Variants in RRM1 observed in about 807,000 individuals in gnomAD.
The protein encoded by RRM1 is ribonucleotide reductase catalytic subunit M1.
A neutral mutation model predicts 101.5 loss-of-function variants in RRM1; 19 were observed. The observed-to-expected ratio is 0.19, with a 90% CI of 0.13 to 0.27. The LOEUF (loss-of-function observed/expected upper bound fraction) is 0.27, where lower values mean the gene tolerates loss of function less well. Ranked by LOEUF, RRM1 falls within the 10% of genes least tolerant of loss-of-function variation. RRM1 has a pLI of 1.00. For missense variants in RRM1, 500 were observed against 962.9 expected, an observed-to-expected ratio of 0.52 and a Z score of 6.36; for synonymous variants, 298 against 323.4, an observed-to-expected ratio of 0.92 and a Z score of 0.84.
intron 10 of RRM1, 130 bp downstream of exon 10, chr11:4,121,895 A>C: frequency 1.2e-6 from 1 of 857,906 alleles, no homozygotes; most frequent in Non-Finnish European, 1.8e-6. Flanking sequence ...TGAACAAGTT[A>C]AGAGATGCCG....
At chr11:4,124,915 AT>A (rs143024225) in intron 12 of RRM1, among the ~76,000 whole-genome samples, 56,150 of 141,784 alleles carry the variant, frequency 0.4, 12,229 homozygotes, top group Non-Finnish European at 0.52. Flanking sequence ...GTATTTATTT[AT>A]TTTATTTTTT....
Position 4,107,426 on chromosome 11 carries a change from A to AT in RRM1, c.287-3dup. On this transcript the variant is annotated splice_polypyrimidine_tract_variant and intron_variant, in intron 3 of 18. Coordinates refer to ENST00000300738, the MANE Select transcript of RRM1 (RefSeq NM_001033.5). The stretch of plus-strand genomic sequence containing the variant: ...TTGATATATTTTCATTTTTTGTTGT[A>AT]TTTTTTAGATGTGATGGAAGACCTC... The AT allele has an allele frequency of 6.4e-7, 1 of 1,567,610 alleles. No homozygotes were observed. Among genetic ancestry groups the AT allele is most frequent in the East Asian group, 2.2e-5 (1 of 44,608 alleles).
chr11:4,119,779 T>G lies in RRM1; in HGVS notation c.793-66T>G, dbSNP rs2094578793. 6 of 919,186 alleles carry G rather than the reference T, an allele frequency of 6.5e-6. No homozygotes were observed. The East Asian group carries it at 7.3e-5, about 11-fold the overall frequency. The allele number at this position is 919,186 out of a possible 1,614,324, so 56.9% of individuals were successfully genotyped here. A position where few individuals can be genotyped will look rare whatever the true frequency, so the allele number is the denominator to read the frequency against. On this transcript the variant is annotated intron_variant, in intron 8 of 18. Transcript: ENST00000300738. ...TTAGGCATCTTTTTTGATAAAAGAA[T>G]GGGGCCATTTTTTTCTTTTCTTTGC...
intron 1 of RRM1, among the ~76,000 whole-genome samples, chr11:4,097,653 G>T (rs2094545526): frequency 6.6e-6 from 1 of 152,084 alleles, no homozygotes; most frequent in Admixed American, 6.6e-5. Flanking sequence ...GTGCAGTGGT[G>T]TGATCTCAGC....
At chr11:4,114,807 G>C (rs2094570483) in intron 7 of RRM1, among the ~76,000 whole-genome samples, 1 of 152,062 alleles carries the variant, frequency 6.6e-6, no homozygotes, top group African/African-American at 2.4e-5. Context: ...GCACCTCCCA[G>C]GTCCAAGTGA....
chr11:4,107,042 C>T (rs2094559230), intron 3 of RRM1, among the ~76,000 whole-genome samples: 1 of 152,016 alleles, frequency 6.6e-6, no homozygotes, highest in Admixed American at 6.6e-5. Flanking sequence ...TACAGGCTCC[C>T]ATCACCACGC....
At chr11:4,098,284 CCCTT>C (rs1489854173) in intron 1 of RRM1, among the ~76,000 whole-genome samples, 2 of 150,596 alleles carry the variant, frequency 1.3e-5, no homozygotes, top group African/African-American at 2.4e-5. Context: ...CTCCCTCCCT[CCCTT>C]CCTTCCTCCC....
chr11:4,137,063 T>G (rs1452259658), intron 18 of RRM1: 1 of 216,628 alleles, frequency 4.6e-6, no homozygotes, highest in Non-Finnish European at 8.9e-6. Context: ...ACAGCACATG[T>G]TTCAGAGAGC....
At chr11:4,115,783 C>G (rs1172361738) in intron 7 of RRM1, among the ~76,000 whole-genome samples, 8 of 152,158 alleles carry the variant, frequency 5.3e-5, no homozygotes. Flanking sequence ...TCTCGAACTC[C>G]TGACCTCAGG....
chr11:4,109,728 G>T (rs1208274611), intron 5 of RRM1, 25 bp downstream of exon 5: 7 of 1,520,840 alleles, frequency 4.6e-6, no homozygotes, highest in Non-Finnish European at 6.3e-6. Flanking sequence ...TCAAGTATGT[G>T]GGAATTTATA....
chr11:4,111,389 C>T (rs1011205392), intron 5 of RRM1, among the ~76,000 whole-genome samples: 2 of 144,744 alleles, frequency 1.4e-5, no homozygotes, highest in East Asian at 2.0e-4. Flanking sequence ...CCAGCCTGGG[C>T]GACAGAGCGA....
chr11:4,133,704 A>T (rs764976480), intron 17 of RRM1, 46 bp downstream of exon 17: 3 of 1,085,514 alleles, frequency 2.8e-6, no homozygotes, highest in African/African-American at 1.6e-5. Context: ...TGAGTTGGAC[A>T]TTGTGGTACC....
At position 4,132,456 on chromosome 11, in the gene RRM1, T is replaced by G. The variant is rs763399348; in HGVS notation, c.1905+35T>G. The G allele has an allele frequency of 6.2e-7, 1 of 1,610,174 alleles. No homozygotes were observed. Among genetic ancestry groups the G allele is most frequent in the Non-Finnish European group, 8.5e-7 (1 of 1,177,640 alleles). On this transcript the variant is annotated intron_variant, in intron 16 of 18. Transcript: ENST00000300738. The surrounding 1 kb of genome is among the most constrained non-coding windows in gnomAD (Gnocchi z 4.1). ...TCACAACCAGCCTTACAGGGAGATC[T>G]TTCAAAAGCCTGATGTTGGGAGTAA... is the stretch of plus-strand genomic sequence containing the variant.
upstream of RRM1, chr11:4,094,709 C>T (rs72555754): frequency 9.5e-6 from 5 of 524,028 alleles, no homozygotes; most frequent in African/African-American, 1.9e-5. Flanking sequence ...CCAGACTCAA[C>T]ATGGCGGCTA....
At chr11:4,130,319 GGT>G (rs2094597839) in intron 15 of RRM1, among the ~76,000 whole-genome samples, 1 of 151,640 alleles carries the variant, frequency 6.6e-6, no homozygotes, top group Non-Finnish European at 1.5e-5. Context: ...ACTTGTTAAT[GGT>G]GTGTATTTTT....
intron 15 of RRM1, 104 bp downstream of exon 15, chr11:4,129,254 A>G: frequency 1.5e-6 from 1 of 645,798 alleles, no homozygotes. Context: ...AAACTCATTT[A>G]TTACAAATGG....
At chr11:4,133,736 G>A in intron 17 of RRM1, 78 bp downstream of exon 17, 2 of 784,752 alleles carry the variant, frequency 2.5e-6, no homozygotes, top group East Asian at 2.5e-5. Flanking sequence ...GCTAGACAAT[G>A]GAGAGAATGA....
intron 10 of RRM1, 43 bp downstream of exon 10, chr11:4,121,808 T>C (rs930804106): frequency 6.5e-7 from 1 of 1,533,764 alleles, no homozygotes; most frequent in African/African-American, 1.4e-5. Context: ...TTGATTCACA[T>C]GAGCTTTCTC....
intron 1 of RRM1, among the ~76,000 whole-genome samples, chr11:4,097,176 C>T (rs997903689): frequency 1.3e-5 from 2 of 149,430 alleles, no homozygotes; most frequent in African/African-American, 5.0e-5. Flanking sequence ...ATCCCAGCTA[C>T]TCAGGAGGCT....
Sources: gnomAD v4.1 joint callset for allele counts (sites outside exome capture counted in the v4.1 genomes callset) on GRCh38, gnomAD v4.1.1 for gene constraint, Gnocchi (gnomAD v3.1) non-coding constraint, MANE v1.5 for transcripts, NCBI Gene and HGNC (gene_info 2026-07-23, HGNC 2026-07-21) for gene names.